The following MACROH2A1 variants were observed in gnomAD, a reference collection of about 807,000 sequenced individuals.
The protein encoded by MACROH2A1 is macroH2A.1 histone.
MACROH2A1 carries 2 observed loss-of-function variants against 31.6 expected under a neutral mutation model. The observed-to-expected ratio is 0.06, with a 90% CI of 0.03 to 0.20. MACROH2A1 has a LOEUF of 0.20. Among genes scored for constraint, MACROH2A1 ranks in the 10% least tolerant of loss-of-function variants. MACROH2A1 has a pLI of 1.00. For missense variants in MACROH2A1, 230 were observed against 474.0 expected (o/e 0.49, Z 4.78); for synonymous variants, 169 against 189.6 (o/e 0.89, Z 0.89).
chr5:135,382,302 A>T (rs534256029), intron 2 of MACROH2A1, among the ~76,000 whole-genome samples: 2 of 152,346 alleles, frequency 1.3e-5, no homozygotes, highest in Admixed American at 1.3e-4. Flanking sequence ...TAAAAATAAC[A>T]GTTGCATTTT....
chr5:135,393,033 C>T (rs1248826295), intron 1 of MACROH2A1, among the ~76,000 whole-genome samples: 3 of 152,282 alleles, frequency 2.0e-5, no homozygotes, highest in East Asian at 1.9e-4. Context: ...TGGACATTTG[C>T]GCTGAAGACA....
intron 4 of MACROH2A1, among the ~76,000 whole-genome samples, chr5:135,364,653 T>C (rs1282900262): frequency 6.6e-6 from 1 of 152,190 alleles, no homozygotes; most frequent in African/African-American, 2.4e-5. Context: ...CTGGGAGACA[T>C]TTAAGAAACT....
At chr5:135,397,884 G>C (rs1238586162) in intron 1 of MACROH2A1, among the ~76,000 whole-genome samples, 2 of 152,216 alleles carry the variant, frequency 1.3e-5, no homozygotes, top group East Asian at 3.9e-4. Flanking sequence ...CCTGGAGCAG[G>C]GAGCTTTGGA....
chr5:135,344,839 G>A (rs1377357061), intron 7 of MACROH2A1: 1 of 152,224 alleles, frequency 6.6e-6, no homozygotes, highest in East Asian at 1.9e-4. Flanking sequence ...CTGTGGCTGA[G>A]GTTTCCCCAG....
chr5:135,350,122 T>C (rs1761336527), intron 6 of MACROH2A1, among the ~76,000 whole-genome samples: 1 of 152,200 alleles, frequency 6.6e-6, no homozygotes, highest in African/African-American at 2.4e-5. Flanking sequence ...AAGTGCCCTC[T>C]TTCTTGGCCA....
chr5:135,389,035 C>A lies in MACROH2A1; in HGVS notation c.59G>T (p.Gly20Val). The change falls in exon 2 of 9, where the codon GGA becomes GTA. Residue 20 changes from glycine to valine, a missense_variant. Gly to Val is a moderately radical substitution (Grantham distance 109). Around this residue, in one of 2 missense-constraint regions of MACROH2A1, gnomAD observed 47 missense variants for 154.7 expected, o/e 0.30. Transcript: ENST00000511689. ...CATCCGCCCCACGGGAAAGATGACT[C>A]CTGCTTTGGCAGACCTGGACGTCTT... is the stretch of plus-strand genomic sequence containing the variant. ...STKTSRSAKA[G>V]VIFPVGRMLR... 1 of 1,614,042 alleles carries A rather than the reference C, an allele frequency of 6.2e-7. No homozygotes were observed.
intron 2 of MACROH2A1, among the ~76,000 whole-genome samples, chr5:135,375,242 T>G (rs556073154): frequency 6.6e-6 from 1 of 152,336 alleles, no homozygotes; most frequent in Admixed American, 6.5e-5. Flanking sequence ...TGCAACCATA[T>G]TCCCTCTCCT....
intron 5 of MACROH2A1, chr5:135,355,150 T>C (rs1310166418): frequency 2.2e-6 from 1 of 456,100 alleles, no homozygotes; most frequent in Non-Finnish European, 4.4e-6. Flanking sequence ...GGCCTGTATC[T>C]GACTCTCTTC....
Position 135,390,755 on chromosome 5 carries a change from C to A in MACROH2A1, c.-33-1629G>T, listed in dbSNP as rs1391753465. On this transcript the variant is annotated intron_variant, in intron 1 of 8. Coordinates refer to ENST00000511689, the MANE Select transcript of MACROH2A1 (RefSeq NM_138610.3). ...CTGTTACTCTGATGCTCAACCTATA[C>A]TAGGGACATTGTCAGGACATGCCAC... is the stretch of plus-strand genomic sequence containing the variant. 3.9e-5 allele frequency among the ~76,000 whole-genome samples: 6 copies of A among 152,330 alleles called. No homozygotes were observed. In the East Asian group the frequency reaches 1.2e-3, roughly 29 times the overall value.
Position 135,369,494 on chromosome 5 carries a change from G to A in MACROH2A1, c.389C>T (p.Pro130Leu), listed in dbSNP as rs148007117. 1.5e-5 allele frequency: 25 copies of A among 1,614,024 alleles called. No individual in the cohort carries two copies. In the African/African-American group the frequency reaches 3.1e-4, roughly 20 times the overall value. Residue 130 changes from proline to leucine, a missense_variant, in exon 4 of 9, where the codon CCA (proline) becomes CTA (leucine). Pro to Leu is a moderately conservative substitution (Grantham distance 98). Transcript: ENST00000511689. The surrounding 1 kb of genome is among the most constrained non-coding windows in gnomAD (Gnocchi z 4.3). The stretch of plus-strand genomic sequence containing the variant: ...AGACTTGGCCTTTTTGGCTGGGGGT[G>A]GTGTGATGATGGCTTCCAACTTTCC... ...SKGKLEAIIT[P>L]PPAKKAKSPS...
At position 135,380,176 on chromosome 5, in the gene MACROH2A1, C is replaced by T. The variant is rs117088261; in HGVS notation, c.172+8746G>A. Among the ~76,000 whole-genome samples, 73 of 152,200 alleles carry T rather than the reference C, an allele frequency of 4.8e-4. No homozygotes were observed. In the East Asian group the frequency reaches 0.011, roughly 22 times the overall value. ...GGTCTTCTTAGCCTTCAATAAAAAA[C>T]TATTTACCATGTAGCTGCGGAATAT... On this transcript the variant is annotated intron_variant, in intron 2 of 8. Coordinates refer to ENST00000511689, the MANE Select transcript of MACROH2A1 (RefSeq NM_138610.3).
chr5:135,355,824 T>C (rs1432124757), intron 5 of MACROH2A1: 1 of 154,260 alleles, frequency 6.5e-6, no homozygotes, highest in Non-Finnish European at 1.4e-5. Flanking sequence ...ATAAGCGAGA[T>C]AGAGCCAAGA....
intron 8 of MACROH2A1, chr5:135,343,019 C>T (rs2149731360): frequency 2.4e-6 from 2 of 837,550 alleles, no homozygotes; most frequent in Non-Finnish European, 3.5e-6. Context: ...CACTGGGTTC[C>T]CCTTCTGTGA....
chr5:135,337,967 C>T, intron 8 of MACROH2A1: 2 of 1,214,912 alleles, frequency 1.6e-6, no homozygotes, highest in South Asian at 1.5e-5. Flanking sequence ...TGCTATGGGA[C>T]TGTGGCTGCT....
intron 2 of MACROH2A1, among the ~76,000 whole-genome samples, chr5:135,384,381 T>C (rs180881968): frequency 6.6e-6 from 1 of 152,352 alleles, no homozygotes; most frequent in Non-Finnish European, 1.5e-5. Flanking sequence ...GCAAACAAGA[T>C]GTATTTCTAA....
intron 7 of MACROH2A1, chr5:135,345,038 A>G (rs1480320576): frequency 6.6e-6 from 1 of 152,238 alleles, no homozygotes; most frequent in African/African-American, 2.4e-5. Flanking sequence ...TCCCTTGTAC[A>G]ATGTGGGACT....
intron 8 of MACROH2A1, 152 bp downstream of exon 8, chr5:135,343,108 A>C: frequency 6.5e-7 from 1 of 1,535,954 alleles, no homozygotes; most frequent in Non-Finnish European, 8.8e-7. Context: ...CCATCATTTA[A>C]TGTCTGCATT....
At chr5:135,346,426 T>C in intron 6 of MACROH2A1, 1 of 226,402 alleles carries the variant, frequency 4.4e-6, no homozygotes, top group East Asian at 1.2e-4. Flanking sequence ...CCAAGACTAA[T>C]GCCTGCCTTA....
chr5:135,397,591 A>G (rs1768194370), intron 1 of MACROH2A1, among the ~76,000 whole-genome samples: 1 of 152,224 alleles, frequency 6.6e-6, no homozygotes, highest in Non-Finnish European at 1.5e-5. Flanking sequence ...AAGAATTTGA[A>G]GTCTTTCAAG....
Sources: gnomAD v4.1 joint callset for allele counts (sites outside exome capture counted in the v4.1 genomes callset) on GRCh38, gnomAD v4.1.1 for gene constraint, gnomAD v4.1.1 regional missense constraint, Gnocchi (gnomAD v3.1) non-coding constraint, MANE v1.5 for transcripts, NCBI Gene and HGNC (gene_info 2026-07-23, HGNC 2026-07-21) for gene names.